Variants in MSN observed in about 807,000 individuals in gnomAD.
MSN encodes epididymis luminal protein 70.
Under a neutral mutation model 48.0 loss-of-function variants are expected in MSN, and 2 were observed. The ratio of observed to expected loss-of-function variants is 0.04; its 90% CI spans 0.02 to 0.13. The LOEUF is 0.13. MSN is among the 10% of genes least tolerant of loss of function. The pLI, the probability that MSN is intolerant of heterozygous loss-of-function variation, is 1.00. For missense variants in MSN, 267 were observed against 470.1 expected (o/e 0.57, Z 3.99); for synonymous variants, 146 against 166.9 (o/e 0.87, Z 0.97).
At chrX:65,614,352 G>A (rs926942563) in intron 1 of MSN, among the ~76,000 whole-genome samples, 2 of 111,180 alleles carry the variant, frequency 1.8e-5, no homozygotes, top group African/African-American at 3.3e-5. Flanking sequence ...TTGGTTATAC[G>A]GGCTCTTTTT....
At chrX:65,709,215 T>TA (rs1410979656) in intron 1 of MSN, among the ~76,000 whole-genome samples, 1 of 111,769 alleles carries the variant, frequency 8.9e-6, no homozygotes, top group African/African-American at 3.3e-5. Context: ...GTCCTATTTT[T>TA]AGTTTTCTGA....
chrX:65,699,930 T>G (rs1429902562), intron 1 of MSN, among the ~76,000 whole-genome samples: 1 of 110,883 alleles, frequency 9.0e-6, no homozygotes, highest in Non-Finnish European at 1.9e-5. Context: ...TTACTGAACC[T>G]CCATTTCTCC....
intron 1 of MSN, among the ~76,000 whole-genome samples, chrX:65,630,605 A>G (rs767852942): frequency 9.1e-6 from 1 of 110,406 alleles, no homozygotes; most frequent in East Asian, 2.9e-4. Flanking sequence ...AAAACAAAAC[A>G]AGCAAACAAA....
chrX:65,607,186 G>A (rs917020779), intron 1 of MSN, among the ~76,000 whole-genome samples: 2 of 112,285 alleles, frequency 1.8e-5, no homozygotes, highest in Non-Finnish European at 3.8e-5. Flanking sequence ...GAGAAGTTTA[G>A]CAACTTGCCT....
At chrX:65,647,773 G>C (rs978817972) in intron 1 of MSN, among the ~76,000 whole-genome samples, 15 of 111,961 alleles carry the variant, frequency 1.3e-4, no homozygotes, top group African/African-American at 4.5e-4. Context: ...GTGACAGAGA[G>C]AGTTGGTAGA....
At chrX:65,718,438 G>T (rs958552369) in intron 2 of MSN, among the ~76,000 whole-genome samples, 7 of 112,160 alleles carry the variant, frequency 6.2e-5, no homozygotes, top group African/African-American at 2.3e-4. Context: ...AAATAGGAAA[G>T]AAAGTGTTAG....
intron 1 of MSN, among the ~76,000 whole-genome samples, chrX:65,713,441 C>G (rs1481986017): frequency 9.0e-6 from 1 of 111,256 alleles, no homozygotes; most frequent in East Asian, 2.8e-4. Flanking sequence ...TATATAGAAC[C>G]ACCGACATCA....
chrX:65,641,267 C>T (rs1393466495), intron 1 of MSN, among the ~76,000 whole-genome samples: 2 of 108,268 alleles, frequency 1.8e-5, no homozygotes, highest in Admixed American at 1.0e-4. Context: ...TGGTTGCTCA[C>T]GCCTGTAATC....
chrX:65,722,609 G>C (rs1330794612), intron 2 of MSN, among the ~76,000 whole-genome samples: 1 of 110,081 alleles, frequency 9.1e-6, no homozygotes, highest in African/African-American at 3.3e-5. Context: ...AGTAGAGATG[G>C]GGTCTCACCA....
chrX:65,693,302 C>T (rs896399332), intron 1 of MSN, among the ~76,000 whole-genome samples: 1 of 112,241 alleles, frequency 8.9e-6, no homozygotes, highest in East Asian at 2.8e-4. Context: ...TTTTGTGTCT[C>T]TATCTCCTTC....
chrX:65,734,463 A>G (rs1163406047), intron 7 of MSN, among the ~76,000 whole-genome samples: 1 of 111,881 alleles, frequency 8.9e-6, no homozygotes, highest in Non-Finnish European at 1.9e-5. Context: ...CACACAGCTA[A>G]AAATGGTAGA....
In MSN at chrX:65,733,174, A is replaced by G. The variant is rs771426841; in HGVS notation, c.699-10A>G. The G allele has an allele frequency of 8.4e-7, 1 of 1,196,285 alleles. No homozygotes were observed. The highest frequency in any genetic ancestry group is 3.0e-5 in the East Asian group (1 of 33,738). ...CCTTGTCCTGATGTTATTGGTTTCTATTTCTACAGACTAACTCCCAAGATA... is the reference window on the plus strand; with the variant it reads ...CCTTGTCCTGATGTTATTGGTTTCTGTTTCTACAGACTAACTCCCAAGATA... On this transcript the variant is annotated splice_polypyrimidine_tract_variant and intron_variant, in intron 6 of 12. Transcript: ENST00000360270.
At chrX:65,712,045 C>T (rs1336194964) in intron 1 of MSN, among the ~76,000 whole-genome samples, 2 of 111,120 alleles carry the variant, frequency 1.8e-5, no homozygotes, top group Admixed American at 1.9e-4. Context: ...ACCCTTGACC[C>T]AGCTCAAGGG....
At chrX:65,664,516 T>C (rs1259038570), upstream of MSN, among the ~76,000 whole-genome samples, 3 of 111,765 alleles carry the variant, frequency 2.7e-5, no homozygotes, top group African/African-American at 9.7e-5. Flanking sequence ...TTGTCTTCTG[T>C]ACATTAGCTA....
chrX:65,669,598 T>C (rs1213351683), intron 1 of MSN, among the ~76,000 whole-genome samples: 1 of 110,582 alleles, frequency 9.0e-6, no homozygotes, highest in Non-Finnish European at 1.9e-5. Flanking sequence ...AGGCCTGGAG[T>C]AATGAGGGTA....
At chrX:65,664,292 T>C (rs750908376), upstream of MSN, among the ~76,000 whole-genome samples, 2 of 110,641 alleles carry the variant, frequency 1.8e-5, no homozygotes, top group Non-Finnish European at 3.8e-5. Context: ...GACATAAACA[T>C]GGGCACAACA....
At chrX:65,651,138 A>T (rs2070738587) in intron 1 of MSN, among the ~76,000 whole-genome samples, 1 of 110,393 alleles carries the variant, frequency 9.1e-6, no homozygotes. Context: ...TGAAAATTAG[A>T]GGCCGGGTGC....
At position 65,636,747 on chromosome X, in the gene MSN, C is replaced by CAAAAAA. The variant is rs1219240320; in HGVS notation, c.-22+48157_-22+48162dup. On this transcript the variant is annotated intron_variant, in intron 1 of 3. Coordinates refer to the MSN transcript ENST00000609672. ...GGGCAACAAGAGCAAAACTCCATCT[C>CAAAAAA]AAAAAAAAAAAAAAAAAAAAAAAAA... 3.5e-3 allele frequency among the ~76,000 whole-genome samples: 22 copies of CAAAAAA among 6,337 alleles called. 4 individuals carry two copies. Among genetic ancestry groups the CAAAAAA allele is most frequent in the African/African-American group, 7.5e-3 (20 of 2,678 alleles). 5.5% of individuals were successfully genotyped at this position (6,337 alleles called of 115,157 possible).
At chrX:65,658,994 G>A (rs1282571296) in intron 1 of MSN, among the ~76,000 whole-genome samples, 2 of 107,742 alleles carry the variant, frequency 1.9e-5, no homozygotes, top group African/African-American at 6.8e-5. Flanking sequence ...ACAGGCATGT[G>A]CCACCGTGCC....
Sources: allele counts gnomAD v4.1 joint callset (sites outside exome capture counted in the v4.1 genomes callset), GRCh38; gene constraint gnomAD v4.1.1; transcripts MANE v1.5; gene names NCBI Gene and HGNC (gene_info 2026-07-23, HGNC 2026-07-21).